The following TMPRSS11A variants were observed in gnomAD, a reference collection of about 807,000 sequenced individuals.
TMPRSS11A encodes transmembrane protease serine 11A.
TMPRSS11A carries 53 observed loss-of-function variants against 58.9 expected under a neutral mutation model. The ratio of observed to expected loss-of-function variants is 0.90; its 90% confidence interval spans 0.72 to 1.13. The LOEUF (loss-of-function observed/expected upper bound fraction) is 1.13, where lower values mean the gene tolerates loss of function less well. TMPRSS11A is among the 50% of genes most tolerant of loss of function. The probability of loss-of-function intolerance (pLI) is 0.00; values close to 1 mark genes in which losing one functional copy is unlikely to be tolerated. For missense variants in TMPRSS11A, 493 were observed against 499.3 expected (o/e 0.99, Z 0.12); for synonymous variants, 167 against 169.8 (o/e 0.98, Z 0.13).
chr4:67,916,180 G>C (rs1026023425), intron 8 of TMPRSS11A, among the ~76,000 whole-genome samples: 4 of 151,874 alleles, frequency 2.6e-5, no homozygotes, highest in East Asian at 3.9e-4. Flanking sequence ...ACGCTTCTTA[G>C]TTAACTAGAT....
At chr4:67,942,388 G>A (rs547594127) in intron 3 of TMPRSS11A, among the ~76,000 whole-genome samples, 1 of 152,264 alleles carries the variant, frequency 6.6e-6, no homozygotes, top group South Asian at 2.1e-4. Context: ...TTCTCTTATG[G>A]CTTCTGCCAT....
intron 3 of TMPRSS11A, among the ~76,000 whole-genome samples, chr4:67,937,198 A>G (rs953471519): frequency 6.6e-6 from 1 of 152,158 alleles, no homozygotes; most frequent in Non-Finnish European, 1.5e-5. Flanking sequence ...TCTTTTCTCA[A>G]AAACTTCCCT....
At chr4:67,950,947 G>C (rs1042036645) in intron 1 of TMPRSS11A, among the ~76,000 whole-genome samples, 2 of 152,242 alleles carry the variant, frequency 1.3e-5, no homozygotes, top group African/African-American at 4.8e-5. Context: ...CCCTGGTGAG[G>C]TGGAAGAGCC....
chr4:67,923,020 T>G, intron 6 of TMPRSS11A, 94 bp from the exon 7 acceptor site: 2 of 1,195,688 alleles, frequency 1.7e-6, no homozygotes, highest in Non-Finnish European at 2.4e-6. Context: ...TTTCGTATAC[T>G]ACTCCTCCTG....
intron 3 of TMPRSS11A, among the ~76,000 whole-genome samples, chr4:67,939,326 G>C (rs1720825431): frequency 6.6e-6 from 1 of 152,158 alleles, no homozygotes; most frequent in East Asian, 1.9e-4. Flanking sequence ...AAAGTCTTTA[G>C]GGTTTTCTAG....
chr4:67,946,163 A>G (rs1466246602), intron 2 of TMPRSS11A, among the ~76,000 whole-genome samples: 1 of 152,104 alleles, frequency 6.6e-6, no homozygotes, highest in Admixed American at 6.5e-5. Context: ...ACAATTTTTG[A>G]TCTTTTTGTG....
At chr4:67,938,809 T>C (rs1720811831) in intron 3 of TMPRSS11A, among the ~76,000 whole-genome samples, 1 of 152,182 alleles carries the variant, frequency 6.6e-6, no homozygotes, top group African/African-American at 2.4e-5. Context: ...TTGATTACTG[T>C]AGCCTTAAAG....
intron 7 of TMPRSS11A, among the ~76,000 whole-genome samples, chr4:67,919,972 C>T (rs1165072465): frequency 2.0e-5 from 3 of 152,036 alleles, no homozygotes; most frequent in African/African-American, 7.2e-5. Context: ...ATAATTAAGC[C>T]AGAGAATAAT....
intron 5 of TMPRSS11A, among the ~76,000 whole-genome samples, chr4:67,927,781 A>G (rs531216446): frequency 1.3e-5 from 2 of 152,364 alleles, no homozygotes; most frequent in East Asian, 3.9e-4. Flanking sequence ...TCTTTCTGCT[A>G]CTAGTCAATC....
rs184158890 is a variant in TMPRSS11A, at chr4:67,946,624, T to G, written c.12-53A>C. On this transcript the variant is annotated intron_variant, in intron 1 of 9. Transcript: ENST00000508048. ...CTCTCAGATAGCAATGCTTGCAGGT[T>G]TTCCAGCTCTCCTTAGACAAGTTCA... The G allele has an allele frequency of 3.5e-5, 54 of 1,564,690 alleles. No homozygotes were observed. In the East Asian group the frequency reaches 1.3e-3, roughly 36 times the overall value.
At chr4:67,918,038 G>A (rs1442061390) in intron 8 of TMPRSS11A, among the ~76,000 whole-genome samples, 1 of 152,196 alleles carries the variant, frequency 6.6e-6, no homozygotes, top group African/African-American at 2.4e-5. Flanking sequence ...ACCGATTCCT[G>A]CCTATGTGAG....
chr4:67,942,076 AT>A (rs1720894239), intron 3 of TMPRSS11A, among the ~76,000 whole-genome samples: 1 of 152,236 alleles, frequency 6.6e-6, no homozygotes, highest in South Asian at 2.1e-4. Context: ...TGTACAGGCA[AT>A]TTATAGAAAT....
At chr4:67,947,857 A>G (rs1301537360) in intron 1 of TMPRSS11A, among the ~76,000 whole-genome samples, 1 of 152,224 alleles carries the variant, frequency 6.6e-6, no homozygotes, top group East Asian at 1.9e-4. Flanking sequence ...TAGGAATCAT[A>G]TAAATCTATG....
At chr4:67,935,507 ATATAT>A (rs1473135022) in intron 3 of TMPRSS11A, among the ~76,000 whole-genome samples, 1 of 152,102 alleles carries the variant, frequency 6.6e-6, no homozygotes, top group Non-Finnish European at 1.5e-5. Context: ...TAATGTAAAC[ATATAT>A]TATATATTTA....
intron 3 of TMPRSS11A, among the ~76,000 whole-genome samples, chr4:67,939,477 A>T (rs1002549895): frequency 1.3e-5 from 2 of 152,092 alleles, no homozygotes; most frequent in African/African-American, 4.8e-5. Context: ...GAGAGTGAAC[A>T]TTCTTGTCTT....
At chr4:67,962,771 A>T (rs1353227544) in intron 1 of TMPRSS11A, among the ~76,000 whole-genome samples, 1 of 152,218 alleles carries the variant, frequency 6.6e-6, no homozygotes, top group Non-Finnish European at 1.5e-5. Context: ...CCCCATTTTG[A>T]AAAACAATAC....
chr4:67,933,005 T>C (rs946828322), intron 3 of TMPRSS11A, among the ~76,000 whole-genome samples: 1 of 151,930 alleles, frequency 6.6e-6, no homozygotes, highest in African/African-American at 2.4e-5. Flanking sequence ...TCAATGTGGG[T>C]AAGGTACTAC....
intron 7 of TMPRSS11A, among the ~76,000 whole-genome samples, chr4:67,921,630 C>A (rs749782202): frequency 6.6e-6 from 1 of 152,264 alleles, no homozygotes; most frequent in Admixed American, 6.5e-5. Flanking sequence ...TATGTATATT[C>A]TTTGGAATAT....
At chr4:67,913,993 GC>G (rs1485488979) in intron 9 of TMPRSS11A, among the ~76,000 whole-genome samples, 1 of 152,190 alleles carries the variant, frequency 6.6e-6, no homozygotes, top group African/African-American at 2.4e-5. Context: ...TCACAACATG[GC>G]CTAATCCACC....
Sources: allele counts gnomAD v4.1 joint callset (sites outside exome capture counted in the v4.1 genomes callset), GRCh38; gene constraint gnomAD v4.1.1; transcripts MANE v1.5; gene names NCBI Gene and HGNC (gene_info 2026-07-23, HGNC 2026-07-21).